The following COP1 variants were observed in gnomAD, a reference collection of about 807,000 sequenced individuals.
COP1 encodes COP1 E3 ubiquitin ligase, also known as E3 ubiquitin-protein ligase COP1.
A neutral mutation model predicts 101.3 loss-of-function variants in COP1; 24 were observed. The observed-to-expected ratio is 0.24, with a 90% CI of 0.17 to 0.33. The LOEUF (loss-of-function observed/expected upper bound fraction) is 0.33, where lower values mean the gene tolerates loss of function less well. Among genes scored for constraint, COP1 ranks in the 10% least tolerant of loss-of-function variants. COP1 has a pLI of 1.00. For synonymous variants in COP1, 347 were observed against 341.9 expected, an observed-to-expected ratio of 1.01 and a Z score of -0.17; for missense variants, 663 against 906.2, an observed-to-expected ratio of 0.73 and a Z score of 3.45.
intron 17 of COP1, among the ~76,000 whole-genome samples, chr1:175,987,739 T>C (rs1482688109): frequency 6.6e-6 from 1 of 152,348 alleles, no homozygotes; most frequent in East Asian, 1.9e-4. Flanking sequence ...TTTAAAAGTA[T>C]GATCAAAGCT....
chr1:175,969,679 T>C (rs973046387), intron 18 of COP1, among the ~76,000 whole-genome samples: 5 of 152,200 alleles, frequency 3.3e-5, no homozygotes, highest in African/African-American at 1.2e-4. Context: ...AAAACTTCTA[T>C]GTCATGTAAA....
intron 18 of COP1, among the ~76,000 whole-genome samples, chr1:175,977,844 C>T (rs908402725): frequency 2.6e-5 from 4 of 151,792 alleles, no homozygotes; most frequent in Non-Finnish European, 4.4e-5. Context: ...AATGTTTTTC[C>T]ATTACATACA....
At chr1:176,203,278 A>G (rs1379668882) in intron 1 of COP1, among the ~76,000 whole-genome samples, 1 of 152,146 alleles carries the variant, frequency 6.6e-6, no homozygotes, top group East Asian at 1.9e-4. Context: ...CGGAGCTTGC[A>G]GTGAGCCGAG....
intron 11 of COP1, among the ~76,000 whole-genome samples, chr1:176,050,355 C>CTTTT (rs1672330374): frequency 6.6e-6 from 1 of 152,098 alleles, no homozygotes; most frequent in Non-Finnish European, 1.5e-5. Flanking sequence ...CAATGAAAGC[C>CTTTT]GTCAATAAGC....
chr1:175,988,149 G>T, intron 17 of COP1, 139 bp downstream of exon 17: 3 of 729,584 alleles, frequency 4.1e-6, no homozygotes, highest in Non-Finnish European at 6.4e-6. Flanking sequence ...AATCAGTAGT[G>T]CTGGGGCATC....
chr1:176,089,857 T>C (rs2149446666), intron 9 of COP1, among the ~76,000 whole-genome samples: 1 of 152,342 alleles, frequency 6.6e-6, no homozygotes, highest in Admixed American at 6.5e-5. Flanking sequence ...TACCCCCAAA[T>C]AGTTTTTTGC....
intron 2 of COP1, among the ~76,000 whole-genome samples, chr1:176,180,035 A>G (rs1179661560): frequency 6.6e-6 from 1 of 152,192 alleles, no homozygotes; most frequent in Non-Finnish European, 1.5e-5. Context: ...AGCGTATCTT[A>G]GAGCATCTAC....
At chr1:176,174,559 AT>A (rs1696639525) in intron 3 of COP1, among the ~76,000 whole-genome samples, 1 of 61,004 alleles carries the variant, frequency 1.6e-5, no homozygotes, top group African/African-American at 3.3e-5. Context: ...ATTTTCCTTC[AT>A]AAAAAAAAAA....
chr1:176,100,285 A>C (rs1015481337), intron 9 of COP1: 4 of 209,356 alleles, frequency 1.9e-5, no homozygotes, highest in Admixed American at 1.6e-4. Flanking sequence ...GCTACTTGGG[A>C]GGGTGAGGCA....
intron 9 of COP1, among the ~76,000 whole-genome samples, chr1:176,104,280 G>C (rs1184736219): frequency 2.0e-5 from 3 of 152,084 alleles, no homozygotes; most frequent in Admixed American, 2.0e-4. Flanking sequence ...TGGTTGTAGG[G>C]AGAAGCTTTT....
chr1:175,967,630 A>G (rs1252029342), intron 18 of COP1, among the ~76,000 whole-genome samples: 1 of 152,214 alleles, frequency 6.6e-6, no homozygotes, highest in Non-Finnish European at 1.5e-5. Flanking sequence ...CAAGATTTTG[A>G]ATTCAGTACT....
intron 18 of COP1, 144 bp downstream of exon 18, chr1:175,986,799 C>G (rs1002506886): frequency 1.7e-6 from 1 of 579,152 alleles, no homozygotes; most frequent in Non-Finnish European, 3.0e-6. Flanking sequence ...CCTAAAATGC[C>G]TATTGTCTTT....
intron 15 of COP1, among the ~76,000 whole-genome samples, chr1:175,995,106 C>T (rs1659795684): frequency 6.6e-6 from 1 of 152,190 alleles, no homozygotes; most frequent in Admixed American, 6.5e-5. Context: ...AAAAACCGCT[C>T]AACTACATGG....
chr1:176,134,080 G>C (rs564761821), intron 8 of COP1, among the ~76,000 whole-genome samples: 2 of 151,948 alleles, frequency 1.3e-5, no homozygotes, highest in African/African-American at 4.8e-5. Context: ...TCCTTAACTA[G>C]AACATCCCTG....
chr1:176,000,097 G>T (rs901722459), intron 15 of COP1, among the ~76,000 whole-genome samples: 1 of 152,074 alleles, frequency 6.6e-6, no homozygotes. Context: ...TCGCTGTGCA[G>T]AAGCTTTTTA....
intron 11 of COP1, among the ~76,000 whole-genome samples, chr1:176,058,452 C>T (rs1250618031): frequency 1.3e-5 from 2 of 152,152 alleles, no homozygotes; most frequent in African/African-American, 4.8e-5. Flanking sequence ...TGATCTGTGA[C>T]CTTACCCCCA....
At chr1:176,123,175 G>A (rs1687430668) in intron 8 of COP1, among the ~76,000 whole-genome samples, 1 of 152,126 alleles carries the variant, frequency 6.6e-6, no homozygotes, top group African/African-American at 2.4e-5. Context: ...ACAATTATCT[G>A]AAATAACCTC....
Position 175,954,091 on chromosome 1 carries a change from G to A in COP1, c.2134-6852C>T, listed in dbSNP as rs140606695. ...AATTTAAAGGGCTAAAATCATACAA[G>A]TATGTTCTCTGAAGAAACAGAACTA... On this transcript the variant is annotated intron_variant, in intron 18 of 19. Coordinates refer to ENST00000367669, the MANE Select transcript of COP1 (RefSeq NM_022457.7). 2.2e-3 allele frequency among the ~76,000 whole-genome samples: 339 copies of A among 152,208 alleles called. 1 individual carries two copies. The highest frequency in any genetic ancestry group is 7.7e-3 in the African/African-American group (319 of 41,542).
intron 10 of COP1, among the ~76,000 whole-genome samples, chr1:176,084,850 C>CAT (rs1679836877): frequency 6.7e-6 from 1 of 149,696 alleles, no homozygotes; most frequent in African/African-American, 2.5e-5. Context: ...AAATACCAGA[C>CAT]TTTTTTTTTT....
Sources: gnomAD v4.1 joint callset for allele counts (sites outside exome capture counted in the v4.1 genomes callset) on GRCh38, gnomAD v4.1.1 for gene constraint, MANE v1.5 for transcripts, NCBI Gene and HGNC (gene_info 2026-07-23, HGNC 2026-07-21) for gene names.